The following TNRC6B variants were observed in gnomAD, a reference collection of about 807,000 sequenced individuals.
TNRC6B encodes trinucleotide repeat-containing gene 6B protein.
Under a neutral mutation model 203.6 loss-of-function variants are expected in TNRC6B, and 52 were observed. That is an observed-to-expected ratio of 0.26 (90% CI 0.20 to 0.32). The LOEUF (loss-of-function observed/expected upper bound fraction) is 0.32. TNRC6B is among the 10% of genes least tolerant of loss of function. The pLI is 1.00. For synonymous variants in TNRC6B, 838 were observed against 845.7 expected, an observed-to-expected ratio of 0.99 and a Z score of 0.16; for missense variants, 1,923 against 2,286.2, an observed-to-expected ratio of 0.84 and a Z score of 3.24.
upstream of TNRC6B, among the ~76,000 whole-genome samples, chr22:40,173,826 CAG>C (rs2069030099): frequency 1.6e-5 from 1 of 64,052 alleles, no homozygotes. Context: ...TTTTTTGAGA[CAG>C]AATCTCATTC....
chr22:40,317,255 T>C (rs1295459935), intron 21 of TNRC6B, among the ~76,000 whole-genome samples: 5 of 152,210 alleles, frequency 3.3e-5, no homozygotes, highest in African/African-American at 1.2e-4. Context: ...ATCTCTCCAG[T>C]GGAAGAGATC....
In TNRC6B at chr22:40,178,114, G is replaced by C. The variant is rs2146376621; in HGVS notation, c.-22G>C. The stretch of plus-strand genomic sequence containing the variant: ...CTACCTTGTATGCCTCAATTTGCTG[G>C]ATTTAAGCACTGCTGCACTTTATGA... On this transcript the variant is annotated 5_prime_UTR_variant, in exon 1 of 23. Transcript: ENST00000454349. 1 of 1,611,794 alleles carries C rather than the reference G, an allele frequency of 6.2e-7. No homozygotes were observed. The highest frequency in any genetic ancestry group is 2.2e-5 in the East Asian group (1 of 44,754).
intron 6 of TNRC6B, among the ~76,000 whole-genome samples, chr22:40,272,984 C>A (rs2413620): frequency 1.3e-5 from 2 of 152,120 alleles, no homozygotes; most frequent in Non-Finnish European, 2.9e-5. Flanking sequence ...GACAGTTGTC[C>A]TTTATCATAC....
intron 1 of TNRC6B, among the ~76,000 whole-genome samples, chr22:40,073,273 T>C (rs2067970447): frequency 6.6e-6 from 1 of 151,576 alleles, no homozygotes; most frequent in South Asian, 2.1e-4. Flanking sequence ...TTTTGCAGAG[T>C]GTAATATAGA....
intron 12 of TNRC6B, among the ~76,000 whole-genome samples, chr22:40,291,147 A>G (rs1393537887): frequency 6.6e-6 from 1 of 152,206 alleles, no homozygotes; most frequent in Non-Finnish European, 1.5e-5. Context: ...GCACTTTGGG[A>G]GACCAAGATG....
chr22:40,058,231 A>C (rs11912788), intron 1 of TNRC6B, among the ~76,000 whole-genome samples: 91 of 152,328 alleles, frequency 6.0e-4, no homozygotes, highest in African/African-American at 2.2e-3. Flanking sequence ...TTACAACACC[A>C]AAAAACAAAA....
chr22:40,264,443 T>A (rs1168388275), intron 4 of TNRC6B, among the ~76,000 whole-genome samples: 1 of 152,158 alleles, frequency 6.6e-6, no homozygotes, highest in Admixed American at 6.5e-5. Context: ...AAGGCCCTTC[T>A]CTGTCAATAG....
At chr22:40,091,113 C>T (rs1049152991) in intron 1 of TNRC6B, among the ~76,000 whole-genome samples, 1 of 152,114 alleles carries the variant, frequency 6.6e-6, no homozygotes, top group Non-Finnish European at 1.5e-5. Context: ...TCCTGAATAG[C>T]TGGGACTACA....
intron 1 of TNRC6B, among the ~76,000 whole-genome samples, chr22:40,091,609 C>T (rs919643896): frequency 1.3e-5 from 2 of 152,020 alleles, no homozygotes; most frequent in Non-Finnish European, 2.9e-5. Context: ...AAATTTTTAA[C>T]GGTTTTTAAA....
intron 1 of TNRC6B, among the ~76,000 whole-genome samples, chr22:40,180,231 G>C (rs2069114577): frequency 6.6e-6 from 1 of 152,068 alleles, no homozygotes; most frequent in Admixed American, 6.5e-5. Context: ...GCACTTTTTT[G>C]GGGCTTTGCT....
intron 11 of TNRC6B, among the ~76,000 whole-genome samples, chr22:40,284,383 T>C (rs1013554705): frequency 6.6e-6 from 1 of 152,242 alleles, no homozygotes. Context: ...CAAAATTCTT[T>C]AAAATTACCT....
chr22:40,177,770 G>A (rs1169434187), upstream of TNRC6B, among the ~76,000 whole-genome samples: 3 of 152,210 alleles, frequency 2.0e-5, no homozygotes, highest in Non-Finnish European at 4.4e-5. Flanking sequence ...GAGAGTATGA[G>A]ATAACAGCAT....
chr22:40,269,198 A>G (rs1213794030), intron 5 of TNRC6B, among the ~76,000 whole-genome samples: 1 of 126,620 alleles, frequency 7.9e-6, no homozygotes, highest in South Asian at 2.5e-4. Flanking sequence ...CAGTGGCGCA[A>G]TCTTGGCTCA....
rs373349698 is a variant in TNRC6B, at chr22:40,151,748, C to T, written c.46-4367C>T. ...TTTTAGAAAATAAAGTTGAGAGAAC[C>T]TCCCAGAAATTAAAATAAAAAAATC... On this transcript the variant is annotated intron_variant, in intron 3 of 23. Transcript: ENST00000301923. 1.3e-4 allele frequency among the ~76,000 whole-genome samples: 20 copies of T among 150,496 alleles called. No homozygotes were observed. In the South Asian group the frequency reaches 3.2e-3, roughly 24 times the overall value.
intron 1 of TNRC6B, among the ~76,000 whole-genome samples, chr22:40,059,326 G>A (rs375521152): frequency 9.2e-5 from 14 of 152,270 alleles, no homozygotes; most frequent in East Asian, 3.9e-4. Flanking sequence ...AATGAATTAC[G>A]TAGACTTTGC....
chr22:40,281,493 G>GT (rs1202479046), intron 11 of TNRC6B, among the ~76,000 whole-genome samples: 1 of 134,718 alleles, frequency 7.4e-6, no homozygotes, highest in East Asian at 2.4e-4. Flanking sequence ...TTTTAAACCT[G>GT]TATTTTTTTT....
At chr22:40,178,223 C>T (rs1437327255) in intron 1 of TNRC6B, 83 bp downstream of exon 1, 43 of 1,498,080 alleles carry the variant, frequency 2.9e-5, no homozygotes, top group Non-Finnish European at 3.8e-5. Context: ...TGTTGCAAAT[C>T]GACATTTGTC....
rs2071401839 is a variant in TNRC6B, at chr22:40,326,338, A to G, written c.*3097A>G. ...AAAAATGTAAAAAGAAAAGTCTCCAAACATTATTGTCATACTGGGGATCAC... is the reference window on the plus strand; with the variant it reads ...AAAAATGTAAAAAGAAAAGTCTCCAGACATTATTGTCATACTGGGGATCAC... On this transcript the variant is annotated 3_prime_UTR_variant, in exon 23 of 23. Coordinates refer to ENST00000454349, the MANE Select transcript of TNRC6B (RefSeq NM_001162501.2). 6.6e-6 allele frequency: 1 copy of G among 152,642 alleles called. No homozygotes were observed. The highest frequency in any genetic ancestry group is 6.5e-5 in the Admixed American group (1 of 15,284). The allele number at this position is 152,642 out of a possible 1,614,324, so 9.5% of individuals were successfully genotyped here.
chr22:40,234,345 A>C (rs1778526914), intron 1 of TNRC6B, among the ~76,000 whole-genome samples: 1 of 152,224 alleles, frequency 6.6e-6, no homozygotes. Context: ...CACAGATACA[A>C]ATAATGAGGC....
Sources: gnomAD v4.1 joint callset for allele counts (sites outside exome capture counted in the v4.1 genomes callset) on GRCh38, gnomAD v4.1.1 for gene constraint, MANE v1.5 for transcripts, NCBI Gene and HGNC (gene_info 2026-07-23, HGNC 2026-07-21) for gene names.